OMA1: variants seen among roughly 807,000 people sequenced by gnomAD.
The protein encoded by OMA1 is metalloendopeptidase OMA1, mitochondrial.
Under a neutral mutation model 30.9 loss-of-function variants are expected in OMA1, and 38 were observed. The observed-to-expected ratio is 1.23, with a 90% CI of 0.95 to 1.61. The LOEUF (loss-of-function observed/expected upper bound fraction) is 1.61, where lower values mean the gene tolerates loss of function less well. Ranked by LOEUF, OMA1 falls within the 40% of genes most tolerant of loss-of-function variation. The pLI is 0.00. For synonymous variants in OMA1, 173 were observed against 121.9 expected (o/e 1.42, Z -2.76); for missense variants, 461 against 349.2 (o/e 1.32, Z -2.55).
At chr1:58,509,509 A>T (rs1157919559) in intron 7 of OMA1, among the ~76,000 whole-genome samples, 1 of 150,402 alleles carries the variant, frequency 6.6e-6, no homozygotes, top group African/African-American at 2.4e-5. Flanking sequence ...TTCTAAGAGG[A>T]TGGTTTATAA....
Position 58,537,456 on chromosome 1 carries a change from A to C in OMA1, c.501-715T>G, listed in dbSNP as rs149438714. ...CTCTTTACAACGTGAAAAAGGAGAGATAACAAGATCCTAGGTATTCATAAG... is the reference window on the plus strand; with the variant it reads ...CTCTTTACAACGTGAAAAAGGAGAGCTAACAAGATCCTAGGTATTCATAAG... On this transcript the variant is annotated intron_variant, in intron 2 of 8. Transcript: ENST00000371226. Among the ~76,000 whole-genome samples the C allele has an allele frequency of 2.4e-3, 367 of 152,328 alleles. 1 individual carries two copies. The highest frequency in any genetic ancestry group is 8.2e-3 in the African/African-American group (340 of 41,576).
rs536224658 is a variant in OMA1, at chr1:58,490,845, G to A, written c.1366-9671C>T. 3.8e-4 allele frequency among the ~76,000 whole-genome samples: 42 copies of A among 111,352 alleles called. No individual in the cohort carries two copies. The East Asian group carries it at 9.3e-3, about 25-fold the overall frequency. The allele number at this position is 111,352 out of a possible 152,430, so 73.1% of individuals were successfully genotyped here. On this transcript the variant is annotated intron_variant, in intron 8 of 8. Transcript: ENST00000371226. ...TTTTTTGAGACGGACTCTCGCTCTCGCCCAGGCTGGAGTGCAGTGGCGCGA... is the reference window on the plus strand; with the variant it reads ...TTTTTTGAGACGGACTCTCGCTCTCACCCAGGCTGGAGTGCAGTGGCGCGA...
At chr1:58,512,153 T>C (rs926853508) in intron 7 of OMA1, among the ~76,000 whole-genome samples, 4 of 152,078 alleles carry the variant, frequency 2.6e-5, no homozygotes, top group Non-Finnish European at 5.9e-5. Context: ...AGAAAAAATG[T>C]TCAATATCAC....
Position 58,539,313 on chromosome 1 carries a change from G to GAA in OMA1, c.-16-5_-16-4dup. 1.3e-6 allele frequency: 1 copy of GAA among 797,690 alleles called. No homozygotes were observed. Among genetic ancestry groups the GAA allele is most frequent in the African/African-American group, 1.7e-5 (1 of 58,036 alleles). The allele number at this position is 797,690 out of a possible 1,614,324, so 49.4% of individuals were successfully genotyped here. A position where few individuals can be genotyped will look rare whatever the true frequency, so the allele number is the denominator to read the frequency against. On this transcript the variant is annotated splice_region_variant and splice_polypyrimidine_tract_variant and intron_variant, in intron 1 of 8. Coordinates refer to ENST00000371226, the MANE Select transcript of OMA1 (RefSeq NM_145243.5). ...AGCTCATTTTTTCACTTGACTACCT[G>GAA]AAACAAAAAAAAAACTATAAATATC... is the stretch of plus-strand genomic sequence containing the variant.
intron 8 of OMA1, among the ~76,000 whole-genome samples, chr1:58,498,241 T>TAA (rs56349030): frequency 1.4e-5 from 2 of 143,664 alleles, no homozygotes; most frequent in Non-Finnish European, 3.1e-5. Flanking sequence ...AACTAAAAGT[T>TAA]AAAAAAAAAA....
intron 8 of OMA1, among the ~76,000 whole-genome samples, chr1:58,490,179 A>T (rs899492474): frequency 2.6e-5 from 4 of 152,192 alleles, no homozygotes; most frequent in East Asian, 1.9e-4. Flanking sequence ...ATGGCAAAGA[A>T]GTTAAAAATC....
At chr1:58,520,478 T>C (rs1446887706) in intron 7 of OMA1, among the ~76,000 whole-genome samples, 1 of 152,152 alleles carries the variant, frequency 6.6e-6, no homozygotes, top group African/African-American at 2.4e-5. Flanking sequence ...TGTTCCACAT[T>C]ATATAAATAA....
intron 5 of OMA1, among the ~76,000 whole-genome samples, chr1:58,532,201 C>T (rs1646444502): frequency 6.6e-6 from 1 of 152,054 alleles, no homozygotes; most frequent in Non-Finnish European, 1.5e-5. Context: ...CTGAGACTCC[C>T]AAAAGAGAAA....
intron 6 of OMA1, among the ~76,000 whole-genome samples, chr1:58,529,818 A>G (rs945733158): frequency 6.6e-6 from 1 of 152,220 alleles, no homozygotes; most frequent in African/African-American, 2.4e-5. Flanking sequence ...CAAGTAATCT[A>G]GAGATGATTT....
chr1:58,540,944 T>A (rs1291271642), intron 1 of OMA1, among the ~76,000 whole-genome samples: 1 of 151,850 alleles, frequency 6.6e-6, no homozygotes, highest in Non-Finnish European at 1.5e-5. Context: ...ACAAGGCACA[T>A]AACTTCTTAA....
At chr1:58,522,192 A>T (rs1646275238) in intron 7 of OMA1, among the ~76,000 whole-genome samples, 1 of 152,176 alleles carries the variant, frequency 6.6e-6, no homozygotes, top group African/African-American at 2.4e-5. Flanking sequence ...GGAGAACATC[A>T]GGAAGAATAG....
intron 7 of OMA1, among the ~76,000 whole-genome samples, chr1:58,508,375 C>G (rs1646022376): frequency 6.6e-6 from 1 of 152,180 alleles, no homozygotes; most frequent in Non-Finnish European, 1.5e-5. Flanking sequence ...CCCTCCTTCC[C>G]CACATGAACA....
intron 7 of OMA1, among the ~76,000 whole-genome samples, chr1:58,512,834 T>C (rs1327513405): frequency 6.6e-6 from 1 of 152,198 alleles, no homozygotes; most frequent in Non-Finnish European, 1.5e-5. Flanking sequence ...ATATACAGCA[T>C]GTGCCTATAG....
chr1:58,506,275 T>C (rs778340237), intron 7 of OMA1, 66 bp from the exon 8 acceptor site: 2 of 731,784 alleles, frequency 2.7e-6, no homozygotes, highest in Non-Finnish European at 2.3e-6. Flanking sequence ...AAACTACTAC[T>C]TTATTTTTTT....
intron 7 of OMA1, among the ~76,000 whole-genome samples, chr1:58,524,692 A>G (rs1406692650): frequency 1.3e-5 from 2 of 152,214 alleles, no homozygotes; most frequent in South Asian, 2.1e-4. Context: ...CTCAATCTAC[A>G]GTATATATCA....
At chr1:58,482,829 C>T (rs1012559959) in intron 8 of OMA1, among the ~76,000 whole-genome samples, 3 of 152,020 alleles carry the variant, frequency 2.0e-5, no homozygotes, top group Admixed American at 6.6e-5. Context: ...CAGGTACAGC[C>T]GAGTGGAGCA....
intron 8 of OMA1, among the ~76,000 whole-genome samples, chr1:58,495,848 T>C (rs1379039434): frequency 6.6e-6 from 1 of 152,306 alleles, no homozygotes; most frequent in East Asian, 1.9e-4. Context: ...ATATCTTCCT[T>C]ATGCTTATGA....
chr1:58,522,890 T>C (rs1421106328), intron 7 of OMA1, among the ~76,000 whole-genome samples: 1 of 152,150 alleles, frequency 6.6e-6, no homozygotes, highest in Non-Finnish European at 1.5e-5. Flanking sequence ...CTGAGTAGAC[T>C]GAGAAGGAAG....
intron 5 of OMA1, among the ~76,000 whole-genome samples, chr1:58,532,178 G>A (rs1343659819): frequency 1.3e-5 from 2 of 152,098 alleles, no homozygotes; most frequent in East Asian, 1.9e-4. Context: ...TAAACGCCTA[G>A]ATAAAATCAA....
Sources: allele counts gnomAD v4.1 joint callset (sites outside exome capture counted in the v4.1 genomes callset), GRCh38; gene constraint gnomAD v4.1.1; transcripts MANE v1.5; gene names NCBI Gene and HGNC (gene_info 2026-07-23, HGNC 2026-07-21).